The following STAG1 variants were observed in gnomAD, a reference collection of about 807,000 sequenced individuals.
STAG1 encodes the protein cohesin subunit SA-1.
STAG1 carries 26 observed loss-of-function variants against 170.9 expected under a neutral mutation model. The ratio of observed to expected loss-of-function variants is 0.15; its 90% confidence interval spans 0.11 to 0.21. The LOEUF (loss-of-function observed/expected upper bound fraction) is 0.21, where lower values mean the gene tolerates loss of function less well. Ranked by LOEUF, STAG1 falls within the 10% of genes least tolerant of loss-of-function variation. The pLI, the probability that STAG1 is intolerant of heterozygous loss-of-function variation, is 1.00. For missense variants in STAG1, 964 were observed against 1,509.5 expected (o/e 0.64, Z 5.99); for synonymous variants, 514 against 497.7 (o/e 1.03, Z -0.44).
chr3:136,726,670 T>C (rs985965782), intron 1 of STAG1, among the ~76,000 whole-genome samples: 1 of 152,216 alleles, frequency 6.6e-6, no homozygotes, highest in African/African-American at 2.4e-5. Flanking sequence ...GCCATCAATC[T>C]GTCTTGGCCT....
chr3:136,672,802 A>C (rs888824376), intron 1 of STAG1, among the ~76,000 whole-genome samples: 1 of 152,216 alleles, frequency 6.6e-6, no homozygotes, highest in Non-Finnish European at 1.5e-5. Context: ...TAAAGTTCAT[A>C]TTTTAAAATA....
intron 1 of STAG1, among the ~76,000 whole-genome samples, chr3:136,723,656 G>T (rs558903760): frequency 1.2e-4 from 17 of 146,524 alleles, no homozygotes; most frequent in Admixed American, 3.3e-4. Flanking sequence ...GGAGGGAGGT[G>T]GGGGGGTCAG....
chr3:136,671,689 G>A (rs923720756), intron 1 of STAG1, among the ~76,000 whole-genome samples: 2 of 152,008 alleles, frequency 1.3e-5, no homozygotes, highest in African/African-American at 2.4e-5. Context: ...CCAGAAGTTC[G>A]ACACTAGCCT....
intron 23 of STAG1, among the ~76,000 whole-genome samples, chr3:136,376,046 T>TAAAATAAAAC (rs1195641388): frequency 1.3e-5 from 2 of 148,500 alleles, no homozygotes; most frequent in African/African-American, 4.9e-5. Context: ...TAAAATAAAA[T>TAAAATAAAAC]AAAACAAAAT....
rs1168644273 is a variant in STAG1 at position 136,714,965 on chromosome 3, T to A, written c.-84+37230A>T. ...TATATATATATATATATATATATAT[T>A]TTATATATATATTTTTATATATATA... On this transcript the variant is annotated intron_variant, in intron 1 of 33. Coordinates refer to ENST00000383202, the MANE Select transcript of STAG1 (RefSeq NM_005862.3). 1.9e-3 allele frequency among the ~76,000 whole-genome samples: 118 copies of A among 62,284 alleles called. No individual in the cohort carries two copies. The Middle Eastern group carries it at 0.036, about 19-fold the overall frequency. 40.9% of individuals were successfully genotyped at this position (62,284 alleles called of 152,430 possible).
intron 3 of STAG1, among the ~76,000 whole-genome samples, chr3:136,607,523 C>A (rs1387375683): frequency 6.6e-6 from 1 of 152,158 alleles, no homozygotes; most frequent in Non-Finnish European, 1.5e-5. Flanking sequence ...CTGCCTCAGC[C>A]TCCTGAGTAG....
intron 23 of STAG1, among the ~76,000 whole-genome samples, chr3:136,371,045 G>A (rs1392531423): frequency 4.6e-5 from 7 of 152,070 alleles, no homozygotes; most frequent in African/African-American, 7.2e-5. Context: ...TTTAATGATC[G>A]CCATTCTAAC....
chr3:136,430,746 T>C (rs911207541), intron 16 of STAG1, among the ~76,000 whole-genome samples: 7 of 150,814 alleles, frequency 4.6e-5, no homozygotes, highest in Non-Finnish European at 7.4e-5. Flanking sequence ...TTGGACAAGC[T>C]TGATTTAAAT....
intron 1 of STAG1, among the ~76,000 whole-genome samples, chr3:136,694,196 G>A (rs559142192): frequency 6.6e-6 from 1 of 152,296 alleles, no homozygotes; most frequent in East Asian, 1.9e-4. Context: ...TTCTTTGCAA[G>A]TTGATACTTA....
At chr3:136,591,254 A>AGGGAGGAG (rs1938155120) in intron 4 of STAG1, among the ~76,000 whole-genome samples, 1 of 126,390 alleles carries the variant, frequency 7.9e-6, no homozygotes, top group African/African-American at 2.9e-5. Context: ...GGAGGGAGGA[A>AGGGAGGAG]GGGAGGAGGG....
rs774492433 is a variant in STAG1, at chr3:136,422,565, C to T, written c.1882G>A (p.Val628Ile). Reference protein sequence around the residue: ...KQIKFVVEKHVESDVLEACSK... With the variant: ...KQIKFVVEKHIESDVLEACSK... ...CAGGCTTCTAGAACATCTGATTCTA[C>T]GTGTTTCTCCACAACAAACTTAATC... is the stretch of plus-strand genomic sequence containing the variant. Residue 628 changes from valine to isoleucine, a missense_variant, in exon 19 of 34, where the codon GTA becomes ATA. Around this residue, in one of 11 missense-constraint regions of STAG1, gnomAD observed 232 missense variants for 313.0 expected, o/e 0.74. Transcript: ENST00000383202. 28 of 1,613,830 alleles carry T rather than the reference C, an allele frequency of 1.7e-5. No homozygotes were observed. Among genetic ancestry groups the T allele is most frequent in the Middle Eastern group, 1.6e-4 (1 of 6,080 alleles).
chr3:136,514,628 C>CA (rs1427294653), intron 7 of STAG1, among the ~76,000 whole-genome samples: 3 of 152,106 alleles, frequency 2.0e-5, no homozygotes. Context: ...TTTACTGCGA[C>CA]AATATTCACA....
chr3:136,495,252 A>C (rs1174131915), intron 9 of STAG1, among the ~76,000 whole-genome samples: 1 of 152,212 alleles, frequency 6.6e-6, no homozygotes, highest in Admixed American at 6.5e-5. Flanking sequence ...CAAAAAGTAG[A>C]CTTCTGCCCT....
rs1313844266 is a variant in STAG1, at chr3:136,338,144, AAAAC to A, written c.*106_*109del. ...GGATTGACCTTAATCATTTGATTAA[AAAAC>A]AAATCAGATCACATCAAAAGTGTTT... On this transcript the variant is annotated 3_prime_UTR_variant, in exon 34 of 34. Coordinates refer to ENST00000383202, the MANE Select transcript of STAG1 (RefSeq NM_005862.3). 16 of 739,962 alleles carry A rather than the reference AAAAC, an allele frequency of 2.2e-5. No homozygotes were observed. The highest frequency in any genetic ancestry group is 3.5e-5 in the Non-Finnish European group (15 of 432,498). 45.8% of individuals were successfully genotyped at this position (739,962 alleles called of 1,614,324 possible).
At chr3:136,356,962 T>A (rs998540813) in intron 28 of STAG1, among the ~76,000 whole-genome samples, 2 of 151,726 alleles carry the variant, frequency 1.3e-5, no homozygotes, top group East Asian at 1.9e-4. Flanking sequence ...ATTTTATTTT[T>A]TTTGAGACAG....
chr3:136,565,880 C>A (rs1379579337), intron 5 of STAG1, among the ~76,000 whole-genome samples: 1 of 152,170 alleles, frequency 6.6e-6, no homozygotes, highest in Non-Finnish European at 1.5e-5. Flanking sequence ...CATGCTACAA[C>A]TTAAATGAAC....
At chr3:136,508,403 C>T (rs1933876926) in intron 7 of STAG1, among the ~76,000 whole-genome samples, 1 of 152,078 alleles carries the variant, frequency 6.6e-6, no homozygotes, top group Non-Finnish European at 1.5e-5. Context: ...ACATAAAGTC[C>T]TAGGCTGAGC....
In STAG1 at chr3:136,513,238, T is replaced by C. The variant is rs903271630; in HGVS notation, c.676+7975A>G. ...GGCATGGTGGCACATGCCTGTAATC[T>C]CAGCTACTCAGGAGGCTGAGGTCGG... On this transcript the variant is annotated intron_variant, in intron 7 of 33. Coordinates refer to ENST00000383202, the MANE Select transcript of STAG1 (RefSeq NM_005862.3). 9.9e-5 allele frequency among the ~76,000 whole-genome samples: 15 copies of C among 151,760 alleles called. 1 individual carries two copies. In the East Asian group the frequency reaches 2.7e-3, roughly 28 times the overall value.
intron 15 of STAG1, among the ~76,000 whole-genome samples, chr3:136,441,879 A>G (rs2088642428): frequency 6.6e-6 from 1 of 152,206 alleles, no homozygotes; most frequent in South Asian, 2.1e-4. Context: ...AAAAAGAGAG[A>G]GAGTTAAAAA....
Sources: allele counts gnomAD v4.1 joint callset (sites outside exome capture counted in the v4.1 genomes callset), GRCh38; gene constraint gnomAD v4.1.1; regional missense constraint gnomAD v4.1.1; transcripts MANE v1.5; gene names NCBI Gene and HGNC (gene_info 2026-07-23, HGNC 2026-07-21).